The following PPFIA2 variants were observed in gnomAD, a reference collection of about 807,000 sequenced individuals.
PPFIA2 encodes the protein liprin-alpha-2.
In PPFIA2, 46 loss-of-function variants were observed where a neutral mutation model predicts 175.5. The observed-to-expected ratio is 0.26, with a 90% confidence interval of 0.21 to 0.34. The LOEUF (loss-of-function observed/expected upper bound fraction) is 0.34. PPFIA2 is among the 10% of genes least tolerant of loss of function. The pLI, the probability that PPFIA2 is intolerant of heterozygous loss-of-function variation, is 1.00. For missense variants in PPFIA2, 1,179 were observed against 1,506.1 expected (o/e 0.78, Z 3.60); for synonymous variants, 568 against 511.4 (o/e 1.11, Z -1.49).
In PPFIA2 at chr12:81,742,107, T is replaced by G. The variant is rs369894943; in HGVS notation, c.249+11866A>C. On this transcript the variant is annotated intron_variant, in intron 3 of 32. Transcript: ENST00000549396. ...CACCAGGATGGTGGGATAGAATGAG[T>G]GAGCTGGAAAACAGTAAGATATGTT... is the stretch of plus-strand genomic sequence containing the variant. Among the ~76,000 whole-genome samples, 124 of 152,078 alleles carry G rather than the reference T, an allele frequency of 8.2e-4. 1 individual carries two copies. Among genetic ancestry groups the G allele is most frequent in the African/African-American group, 2.9e-3 (119 of 41,490 alleles).
At chr12:81,666,891 C>A (rs1171336000) in intron 4 of PPFIA2, among the ~76,000 whole-genome samples, 2 of 152,156 alleles carry the variant, frequency 1.3e-5, no homozygotes, top group African/African-American at 4.8e-5. Flanking sequence ...CCACACTCTA[C>A]ACCACTACAT....
chr12:81,577,724 T>C (rs1285023418), intron 4 of PPFIA2, among the ~76,000 whole-genome samples: 1 of 151,856 alleles, frequency 6.6e-6, no homozygotes, highest in Non-Finnish European at 1.5e-5. Context: ...AGAAAGGCCG[T>C]GTTAGCAGTA....
intron 4 of PPFIA2, among the ~76,000 whole-genome samples, chr12:81,592,434 T>G (rs2058771312): frequency 6.6e-6 from 1 of 151,592 alleles, no homozygotes; most frequent in African/African-American, 2.4e-5. Context: ...AAAATATGGT[T>G]TGATTCTGTC....
intron 3 of PPFIA2, among the ~76,000 whole-genome samples, chr12:81,697,028 T>C (rs963261152): frequency 1.3e-5 from 2 of 151,286 alleles, no homozygotes; most frequent in African/African-American, 2.5e-5. Flanking sequence ...TAGAAGCTTC[T>C]TTGTCATTGT....
intron 3 of PPFIA2, among the ~76,000 whole-genome samples, chr12:81,751,368 G>A (rs928364147): frequency 2.0e-5 from 3 of 151,400 alleles, no homozygotes; most frequent in East Asian, 1.9e-4. Flanking sequence ...TGAATTTGAC[G>A]GGTGGGAAAA....
At chr12:81,545,420 G>A (rs1263152164) in intron 4 of PPFIA2, 6 of 152,296 alleles carry the variant, frequency 3.9e-5, no homozygotes, top group African/African-American at 1.4e-4. Context: ...ATTATTCCAT[G>A]TGCTAGAGTA....
chr12:81,587,132 G>A (rs1180110564), intron 4 of PPFIA2, among the ~76,000 whole-genome samples: 1 of 151,834 alleles, frequency 6.6e-6, no homozygotes, highest in Non-Finnish European at 1.5e-5. Flanking sequence ...AATTCCAATG[G>A]TCATTGATAT....
chr12:81,324,604 G>A (rs1359721997), intron 22 of PPFIA2, among the ~76,000 whole-genome samples: 2 of 151,858 alleles, frequency 1.3e-5, no homozygotes, highest in African/African-American at 4.8e-5. Context: ...AAATAGTCAC[G>A]AAATAGAGTA....
At position 81,297,747 on chromosome 12, in the gene PPFIA2, T is replaced by G. The variant is rs1296245227; in HGVS notation, c.2724+1554A>C. On this transcript the variant is annotated intron_variant, in intron 23 of 32. Coordinates refer to ENST00000549396, the MANE Select transcript of PPFIA2 (RefSeq NM_003625.5). ...ATGCCTGCCAATACATTGTTACCAA[T>G]GTCATCCATAATTAGACCTTAAAGA... Among the ~76,000 whole-genome samples the G allele has an allele frequency of 3.9e-5, 6 of 152,244 alleles. No individual in the cohort carries two copies. In the East Asian group the frequency reaches 1.2e-3, roughly 29 times the overall value.
intron 2 of PPFIA2, among the ~76,000 whole-genome samples, chr12:81,756,016 T>C (rs2084594547): frequency 6.6e-6 from 1 of 152,152 alleles, no homozygotes; most frequent in South Asian, 2.1e-4. Flanking sequence ...TTTATATTAA[T>C]TGAAAAGGAA....
intron 3 of PPFIA2, among the ~76,000 whole-genome samples, chr12:81,685,349 G>A (rs2074279794): frequency 6.6e-6 from 1 of 151,912 alleles, no homozygotes; most frequent in African/African-American, 2.4e-5. Context: ...AGAATAAGCA[G>A]GAAACATACA....
At chr12:81,527,368 C>CA (rs5799533) in intron 4 of PPFIA2, among the ~76,000 whole-genome samples, 48,114 of 151,762 alleles carry the variant, frequency 0.32, 7,937 homozygotes, top group African/African-American at 0.41. Flanking sequence ...CGGGGAGCTC[C>CA]ATTTTATGCT....
chr12:81,754,264 G>T, intron 2 of PPFIA2, 41 bp from the exon 3 acceptor site: 2 of 1,540,688 alleles, frequency 1.3e-6, no homozygotes, highest in Non-Finnish European at 8.8e-7. Flanking sequence ...GTAAAGAAAT[G>T]ATTTCCAATA....
At chr12:81,274,227 T>A (rs946667959) in intron 28 of PPFIA2, among the ~76,000 whole-genome samples, 1 of 152,198 alleles carries the variant, frequency 6.6e-6, no homozygotes, top group South Asian at 2.1e-4. Flanking sequence ...CACCGTTTTT[T>A]AAAAATGAAC....
intron 4 of PPFIA2, among the ~76,000 whole-genome samples, chr12:81,579,167 A>G (rs2074037482): frequency 6.6e-6 from 1 of 151,782 alleles, no homozygotes; most frequent in South Asian, 2.1e-4. Context: ...AACTTTTATA[A>G]AAGCAAAAGT....
intron 3 of PPFIA2, among the ~76,000 whole-genome samples, chr12:81,702,925 G>A (rs1354555981): frequency 6.6e-6 from 1 of 152,084 alleles, no homozygotes; most frequent in African/African-American, 2.4e-5. Flanking sequence ...GCCAGAAAGA[G>A]AGCTTTTACC....
chr12:81,350,482 A>G (rs1197227839), intron 17 of PPFIA2: 1 of 152,206 alleles, frequency 6.6e-6, no homozygotes, highest in African/African-American at 2.4e-5. Context: ...GAGTAAGGGT[A>G]ACATGAGTGA....
intron 3 of PPFIA2, among the ~76,000 whole-genome samples, chr12:81,725,237 C>T (rs892169420): frequency 6.6e-6 from 1 of 150,720 alleles, no homozygotes. Context: ...TATTAAATTC[C>T]ATACAATGAG....
intron 4 of PPFIA2, among the ~76,000 whole-genome samples, chr12:81,520,716 G>C (rs1297357269): frequency 6.6e-6 from 1 of 152,188 alleles, no homozygotes; most frequent in Non-Finnish European, 1.5e-5. Context: ...GAGAGGAAGA[G>C]GGTCAGGAGG....
Sources: allele counts gnomAD v4.1 joint callset (sites outside exome capture counted in the v4.1 genomes callset), GRCh38; gene constraint gnomAD v4.1.1; transcripts MANE v1.5; gene names NCBI Gene and HGNC (gene_info 2026-07-23, HGNC 2026-07-21).